PCDHA7: variants seen among roughly 807,000 people sequenced by gnomAD.
PCDHA7 encodes the protein protocadherin alpha 7.
Under a neutral mutation model 57.2 loss-of-function variants are expected in PCDHA7, and 37 were observed. The observed-to-expected ratio is 0.65, with a 90% CI of 0.50 to 0.85. The LOEUF (loss-of-function observed/expected upper bound fraction) is 0.85, where lower values mean the gene tolerates loss of function less well. Ranked by LOEUF, PCDHA7 falls within the 40% of genes least tolerant of loss-of-function variation. The pLI, the probability that PCDHA7 is intolerant of heterozygous loss-of-function variation, is 0.00. For missense variants in PCDHA7, 1,188 were observed against 1,241.8 expected, an observed-to-expected ratio of 0.96 and a Z score of 0.65; for synonymous variants, 553 against 558.8, an observed-to-expected ratio of 0.99 and a Z score of 0.15.
chr5:140,836,501 G>A lies in PCDHA7; in HGVS notation c.2118G>A (p.Ala706=), dbSNP rs1554136017. 4 of 1,613,866 alleles carry A rather than the reference G, an allele frequency of 2.5e-6. No homozygotes were observed. Among genetic ancestry groups the A allele is most frequent in the Admixed American group, 1.7e-5 (1 of 60,012 alleles). The change falls in exon 1 of 4, where the codon GCG becomes GCA. Residue 706 remains alanine, a synonymous_variant. Transcript: ENST00000525929. ...VNVYLIIAIC[A]VSSLLVLTLL... ...TGTACCTGATCATCGCCATCTGCGC[G>A]GTGTCCAGTCTGTTGGTGCTTACCC... is the stretch of plus-strand genomic sequence containing the variant.
rs1340141507 is a variant in PCDHA7, at chr5:140,939,833, CTTG to C, written c.2356-39108_2356-39106del. 2.6e-5 allele frequency among the ~76,000 whole-genome samples: 4 copies of C among 152,224 alleles called. No individual in the cohort carries two copies. The East Asian group carries it at 7.7e-4, about 29-fold the overall frequency. ...AAGAAAAAGCAGTATTCTGACATTG[CTTG>C]TTGTTGTGTTCTGTATATGTCCATT... On this transcript the variant is annotated intron_variant, in intron 1 of 3. Transcript: ENST00000525929.
At chr5:140,970,953 G>A (rs975435719) in intron 1 of PCDHA7, among the ~76,000 whole-genome samples, 16 of 152,110 alleles carry the variant, frequency 1.1e-4, no homozygotes, top group South Asian at 4.1e-4. Flanking sequence ...AGAAACCATG[G>A]GAGGCAGATT....
chr5:140,869,977 T>C (rs2051552630), intron 1 of PCDHA7: 1 of 1,613,234 alleles, frequency 6.2e-7, no homozygotes, highest in Non-Finnish European at 8.5e-7. Flanking sequence ...AAGACACTTA[T>C]TTACACTAGA....
chr5:140,989,509 T>G (rs1554250840), intron 3 of PCDHA7, among the ~76,000 whole-genome samples: 1 of 152,196 alleles, frequency 6.6e-6, no homozygotes, highest in African/African-American at 2.4e-5. Context: ...GCTTATAACC[T>G]GAGTTGAGGG....
chr5:140,941,255 C>CTTTCTTTCTTTCTTTCTTTCTCTT (rs782490896), intron 1 of PCDHA7, among the ~76,000 whole-genome samples: 1 of 44,508 alleles, frequency 2.2e-5, no homozygotes, highest in Non-Finnish European at 5.1e-5. Flanking sequence ...TTCTTTCTTT[C>CTTTCTTTCTTTCTTTCTTTCTCTT]TCTTTCTTTC....
chr5:140,881,724 A>C (rs1165848100), intron 1 of PCDHA7, among the ~76,000 whole-genome samples: 1 of 152,194 alleles, frequency 6.6e-6, no homozygotes, highest in Admixed American at 6.5e-5. Flanking sequence ...GAGGTCTTGA[A>C]AAATATTACA....
At chr5:140,870,241 G>A (rs782478787) in intron 1 of PCDHA7, 2 of 1,614,196 alleles carry the variant, frequency 1.2e-6, no homozygotes, top group South Asian at 1.1e-5. Flanking sequence ...TGACTCAGGT[G>A]TCAACGGACA....
chr5:140,943,605 CTT>C (rs1232110768), intron 1 of PCDHA7, among the ~76,000 whole-genome samples: 5 of 152,064 alleles, frequency 3.3e-5, no homozygotes, highest in African/African-American at 1.2e-4. Context: ...TAAATATAGA[CTT>C]TGATTCATCT....
chr5:140,838,125 T>C (rs1775553938), intron 1 of PCDHA7, among the ~76,000 whole-genome samples: 1 of 145,318 alleles, frequency 6.9e-6, no homozygotes, highest in Non-Finnish European at 1.5e-5. Flanking sequence ...TGTGTGTGTG[T>C]GTGTGTTTGA....
At chr5:140,884,496 G>T (rs782182672) in intron 1 of PCDHA7, 1 of 1,614,094 alleles carries the variant, frequency 6.2e-7, no homozygotes, top group Non-Finnish European at 8.5e-7. Flanking sequence ...GTGTGCTCCA[G>T]CGCGGCAGGG....
chr5:140,839,493 G>A (rs2150298182), intron 1 of PCDHA7, among the ~76,000 whole-genome samples: 3 of 151,922 alleles, frequency 2.0e-5, no homozygotes, highest in Non-Finnish European at 4.4e-5. Context: ...GGGCTCAAGT[G>A]ATCTTCCTAC....
In PCDHA7 at chr5:140,852,899, G is replaced by A; in HGVS notation, c.2355+16161G>A. On this transcript the variant is annotated intron_variant, in intron 1 of 3. Transcript: ENST00000525929. ...TCATAAAACGTATTTTTTTTTTTGA[G>A]TCAGAGTCTCGCTCTGTTGCCCAGG... 4.8e-6 allele frequency: 4 copies of A among 840,714 alleles called. 1 individual carries two copies. Among genetic ancestry groups the A allele is most frequent in the Non-Finnish European group, 5.8e-6 (4 of 685,948 alleles). The allele number at this position is 840,714 out of a possible 1,614,324, so 52.1% of individuals were successfully genotyped here.
At chr5:140,852,822 T>C in intron 1 of PCDHA7, 1 of 971,316 alleles carries the variant, frequency 1.0e-6, no homozygotes, top group East Asian at 1.1e-4. Flanking sequence ...CCCTAAGTCC[T>C]CCAGTCTCCT....
At chr5:140,969,337 AC>A in intron 1 of PCDHA7, 1 of 1,613,970 alleles carries the variant, frequency 6.2e-7, no homozygotes, top group East Asian at 2.2e-5. Flanking sequence ...ATGAGGTGAG[AC>A]AGTGGTCAGG....
chr5:140,876,970 G>C, intron 1 of PCDHA7: 1 of 1,612,850 alleles, frequency 6.2e-7, no homozygotes. Context: ...GCGGCGGGTG[G>C]GCGAGCACGC....
rs140711682 is a variant in PCDHA7, at chr5:140,849,699, A to T, written c.2355+12961A>T. On this transcript the variant is annotated intron_variant, in intron 1 of 3. Coordinates refer to ENST00000525929, the MANE Select transcript of PCDHA7 (RefSeq NM_018910.3). ...CCCCTTCAAGCTGGTGTCCACCTACAAGAATTACTACTCGTTGGTGCTGGA... is the reference window on the plus strand; with the variant it reads ...CCCCTTCAAGCTGGTGTCCACCTACTAGAATTACTACTCGTTGGTGCTGGA... 57 of 1,598,608 alleles carry T rather than the reference A, an allele frequency of 3.6e-5. 2 individuals carry two copies. The African/African-American group carries it at 7.7e-4, about 21-fold the overall frequency.
intron 3 of PCDHA7, among the ~76,000 whole-genome samples, chr5:141,005,586 C>T (rs1428172819): frequency 6.6e-6 from 1 of 150,712 alleles, no homozygotes; most frequent in Non-Finnish European, 1.5e-5. Flanking sequence ...CCTGTAGTCC[C>T]AGCTACACAG....
chr5:140,943,357 A>G (rs974685573), intron 1 of PCDHA7, among the ~76,000 whole-genome samples: 3 of 152,026 alleles, frequency 2.0e-5, no homozygotes, highest in Non-Finnish European at 4.4e-5. Flanking sequence ...AGTAGAGGAA[A>G]GGAGATCATT....
At chr5:140,967,156 G>A (rs1169438367) in intron 1 of PCDHA7, 1 of 1,610,422 alleles carries the variant, frequency 6.2e-7, no homozygotes, top group Admixed American at 1.7e-5. Context: ...ACCCCGTGGC[G>A]GTGAGCGCCG....
Sources: gnomAD v4.1 joint callset for allele counts (sites outside exome capture counted in the v4.1 genomes callset) on GRCh38, gnomAD v4.1.1 for gene constraint, MANE v1.5 for transcripts, NCBI Gene and HGNC (gene_info 2026-07-23, HGNC 2026-07-21) for gene names.